CKAP2: variants seen among roughly 807,000 people sequenced by gnomAD.
The protein encoded by CKAP2 is cytoskeleton-associated protein 2.
In CKAP2, 46 loss-of-function variants were observed where a neutral mutation model predicts 58.4. The observed-to-expected ratio is 0.79, with a 90% CI of 0.62 to 1.01. CKAP2 has a LOEUF of 1.01. Ranked by LOEUF, CKAP2 falls within the 50% of genes least tolerant of loss-of-function variation. The pLI is 0.00. For synonymous variants in CKAP2, 293 were observed against 280.9 expected (o/e 1.04, Z -0.43); for missense variants, 809 against 796.4 (o/e 1.02, Z -0.19).
At chr13:52,468,149 G>C (rs1958708480) in intron 6 of CKAP2, 129 bp from the exon 7 acceptor site, 1 of 590,192 alleles carries the variant, frequency 1.7e-6, no homozygotes, top group Admixed American at 3.2e-5. Context: ...AGTGGTCTGA[G>C]AAGCATGGTT....
Position 52,475,386 on chromosome 13 carries a change from CAGCT to C in CKAP2, c.*248_*251del. ...TTTCTTTAAGAAAGGTAAATTTTGTCAGCTAGTTTACTATGTTCCTTGAATATAA... is the reference window on the plus strand; with the variant it reads ...TTTCTTTAAGAAAGGTAAATTTTGTCAGTTTACTATGTTCCTTGAATATAA... On this transcript the variant is annotated 3_prime_UTR_variant, in exon 9 of 9. Transcript: ENST00000258607. 1 of 443,768 alleles carries C rather than the reference CAGCT, an allele frequency of 2.3e-6. No individual in the cohort carries two copies. The highest frequency in any genetic ancestry group is 4.0e-6 in the Non-Finnish European group (1 of 251,086). 27.5% of individuals were successfully genotyped at this position (443,768 alleles called of 1,614,324 possible).
At position 52,461,338 on chromosome 13, in the gene CKAP2, A is replaced by G; in HGVS notation, c.512A>G (p.Lys171Arg). The G allele has an allele frequency of 6.2e-6, 10 of 1,614,248 alleles. No homozygotes were observed. The highest frequency in any genetic ancestry group is 8.5e-6 in the Non-Finnish European group (10 of 1,180,044). Residue 171 changes from lysine (K) to arginine (R), a missense_variant, in exon 4 of 9, where the codon AAG becomes AGG. Transcript: ENST00000258607. ...EKQKQDANMP[K>R]KPVLGSYRGQ... The stretch of plus-strand genomic sequence containing the variant: ...CAAAAGCAAGATGCTAACATGCCCA[A>G]GAAACCTGTGCTTGGATCTTATCGT...
intron 1 of CKAP2, 50 bp downstream of exon 1, chr13:52,455,676 G>T (rs756633276): frequency 4.6e-5 from 66 of 1,446,702 alleles, no homozygotes; most frequent in East Asian, 8.6e-5. Flanking sequence ...GCGGTGGCGG[G>T]CGCGGGCCCG....
At position 52,461,684 on chromosome 13, in the gene CKAP2, A is replaced by G. The variant is rs756123358; in HGVS notation, c.858A>G (p.Glu286=). Residue 286 remains glutamate, a synonymous_variant, in exon 4 of 9, where the codon GAA becomes GAG. Transcript: ENST00000258607. ...TTACAATCCGGAAAGGGCCTCATGAAAAAGAACTATTACAATCAAAAACAG... is the reference window on the plus strand; with the variant it reads ...TTACAATCCGGAAAGGGCCTCATGAGAAAGAACTATTACAATCAAAAACAG... ...ANVTIRKGPH[E]KELLQSKTAL... is the part of the protein sequence containing the mutation. The G allele has an allele frequency of 3.7e-6, 6 of 1,613,996 alleles. No homozygotes were observed. In the South Asian group the frequency reaches 6.6e-5, roughly 18 times the overall value.
intron 5 of CKAP2, among the ~76,000 whole-genome samples, chr13:52,463,907 G>A (rs1958624081): frequency 6.6e-6 from 1 of 152,112 alleles, no homozygotes; most frequent in Admixed American, 6.5e-5. Flanking sequence ...GTCGCCTGTA[G>A]GTACATTTTC....
At chr13:52,459,460 T>A (rs1342347110) in intron 2 of CKAP2, among the ~76,000 whole-genome samples, 1 of 152,076 alleles carries the variant, frequency 6.6e-6, no homozygotes, top group Non-Finnish European at 1.5e-5. Context: ...GTAGCTGGGA[T>A]TACAAGCATT....
intron 7 of CKAP2, 49 bp downstream of exon 7, chr13:52,468,396 T>C: frequency 8.5e-7 from 1 of 1,169,648 alleles, no homozygotes; most frequent in Non-Finnish European, 1.2e-6. Flanking sequence ...AGTTTTTTTT[T>C]GTTGTTGTTT....
At position 52,455,563 on chromosome 13, in the gene CKAP2, A is replaced by C; in HGVS notation, c.7A>C (p.Thr3Pro). 6.2e-7 allele frequency: 1 copy of C among 1,612,752 alleles called. No homozygotes were observed. The highest frequency in any genetic ancestry group is 1.3e-5 in the African/African-American group (1 of 75,010). The change falls in exon 1 of 9, where the codon ACA (threonine) becomes CCA (proline). Residue 3 changes from threonine to proline, a missense_variant. Thr to Pro is a conservative substitution (Grantham distance 38). This residue lies in a region of CKAP2 where 523 missense variants were observed against 492.4 expected (regional missense o/e 1.06). Coordinates refer to ENST00000258607, the MANE Select transcript of CKAP2 (RefSeq NM_018204.5). ...CCCCCGACCCGAGGCTACGATGAGC[A>C]CACCGGCCGTGCCCCAGGACCTGCA... MS[T>P]PAVPQDLQLP...
At chr13:52,458,601 G>A (rs9536081) in intron 2 of CKAP2, among the ~76,000 whole-genome samples, 6,035 of 152,254 alleles carry the variant, frequency 0.04, 136 homozygotes, top group South Asian at 0.07. Flanking sequence ...AGTGGCTCAT[G>A]CCTGTAATCC....
chr13:52,474,141 G>T, intron 8 of CKAP2, 57 bp downstream of exon 8: 1 of 1,511,774 alleles, frequency 6.6e-7, no homozygotes, highest in Non-Finnish European at 9.0e-7. Flanking sequence ...ATAAATAACG[G>T]CATTTAAAAA....
intron 2 of CKAP2, among the ~76,000 whole-genome samples, chr13:52,458,238 G>A (rs1490760832): frequency 6.6e-6 from 1 of 152,092 alleles, no homozygotes; most frequent in African/African-American, 2.4e-5. Context: ...GGGGAATTAG[G>A]AGTTCTGTTT....
chr13:52,474,817 G>T (rs1594146527), intron 8 of CKAP2, 78 bp from the exon 9 acceptor site: 11 of 1,380,580 alleles, frequency 8.0e-6, no homozygotes, highest in African/African-American at 1.4e-5. Flanking sequence ...AAGCTATATA[G>T]TATGGTACAT....
intron 1 of CKAP2, 113 bp from the exon 2 acceptor site, chr13:52,456,410 C>A: frequency 2.3e-6 from 2 of 860,540 alleles, no homozygotes; most frequent in South Asian, 1.7e-5. Flanking sequence ...ATAGATGTGA[C>A]CTCAGGTGGA....
intron 7 of CKAP2, among the ~76,000 whole-genome samples, chr13:52,470,328 C>T (rs1958744607): frequency 6.6e-6 from 1 of 152,106 alleles, no homozygotes; most frequent in Non-Finnish European, 1.5e-5. Flanking sequence ...TGGTCTTGAA[C>T]TCCTGACCTC....
chr13:52,471,939 A>G (rs1218830224), intron 7 of CKAP2, among the ~76,000 whole-genome samples: 4 of 152,156 alleles, frequency 2.6e-5, no homozygotes, highest in Non-Finnish European at 4.4e-5. Flanking sequence ...TCATCTGCAT[A>G]AATTCCTGAG....
intron 2 of CKAP2, among the ~76,000 whole-genome samples, chr13:52,459,760 CT>C (rs1441239083): frequency 6.6e-6 from 1 of 152,162 alleles, no homozygotes; most frequent in African/African-American, 2.4e-5. Flanking sequence ...GTTAAAATCA[CT>C]TGCTAAGAGA....
chr13:52,460,984 G>C lies in CKAP2; in HGVS notation c.231+10G>C, dbSNP rs1257286059. 6.2e-7 allele frequency: 1 copy of C among 1,613,064 alleles called. No individual in the cohort carries two copies. Among genetic ancestry groups the C allele is most frequent in the South Asian group, 1.1e-5 (1 of 90,902 alleles). On this transcript the variant is annotated intron_variant, in intron 3 of 8. Transcript: ENST00000258607. ...ACTTAAAACAAAAATGGTAAGATGTGGACATAGCACTCTTAAACTGTCCCC... is the reference window on the plus strand; with the variant it reads ...ACTTAAAACAAAAATGGTAAGATGTCGACATAGCACTCTTAAACTGTCCCC...
Position 52,475,661 on chromosome 13 carries a change from T to TA in CKAP2, c.*521dup, listed in dbSNP as rs1395794068. ...ACACAGGAGGTTTAGCCTGCTTTCT[T>TA]ACCAAATTCATGTTACCCAGACTTG... On this transcript the variant is annotated 3_prime_UTR_variant, in exon 9 of 9. Transcript: ENST00000258607. The TA allele has an allele frequency of 6.6e-6, 1 of 152,516 alleles. No homozygotes were observed. The highest frequency in any genetic ancestry group is 1.5e-5 in the Non-Finnish European group (1 of 68,282). The allele number at this position is 152,516 out of a possible 1,614,324, so 9.4% of individuals were successfully genotyped here. A position where few individuals can be genotyped will look rare whatever the true frequency, so the allele number is the denominator to read the frequency against.
intron 7 of CKAP2, among the ~76,000 whole-genome samples, chr13:52,469,206 G>A (rs1417845587): frequency 1.3e-5 from 2 of 152,182 alleles, no homozygotes; most frequent in South Asian, 4.1e-4. Flanking sequence ...CTGCCTCTGA[G>A]ATAAAGTGGC....
Sources: gnomAD v4.1 joint callset for allele counts (sites outside exome capture counted in the v4.1 genomes callset) on GRCh38, gnomAD v4.1.1 for gene constraint, gnomAD v4.1.1 regional missense constraint, MANE v1.5 for transcripts, NCBI Gene and HGNC (gene_info 2026-07-23, HGNC 2026-07-21) for gene names.